The following LAMB1 variants were observed in gnomAD, a reference collection of about 807,000 sequenced individuals.
The protein encoded by LAMB1 is laminin subunit beta-1.
In LAMB1, 121 loss-of-function variants were observed where a neutral mutation model predicts 222.3. The observed-to-expected ratio is 0.54, with a 90% CI of 0.47 to 0.63. The LOEUF (loss-of-function observed/expected upper bound fraction) is 0.63. LAMB1 is among the 30% of genes least tolerant of loss of function. The probability of loss-of-function intolerance (pLI) is 0.00; values close to 1 mark genes in which losing one functional copy is unlikely to be tolerated. For synonymous variants in LAMB1, 794 were observed against 807.2 expected (o/e 0.98, Z 0.28); for missense variants, 2,172 against 2,240.8 (o/e 0.97, Z 0.62).
At chr7:108,002,230 C>A in intron 2 of LAMB1, 2 of 1,335,240 alleles carry the variant, frequency 1.5e-6, no homozygotes, top group South Asian at 1.2e-5. Flanking sequence ...TGTGCGTGCA[C>A]GCGCGAGGGT....
chr7:108,002,113 A>T, intron 2 of LAMB1: 1 of 1,475,858 alleles, frequency 6.8e-7, no homozygotes, highest in Non-Finnish European at 9.0e-7. Context: ...GCTGACCCCC[A>T]AAGGGCCACA....
rs567724132 is a variant in LAMB1 at position 107,967,476 on chromosome 7, C to T, written c.1563-2789G>A. On this transcript the variant is annotated intron_variant, in intron 13 of 33. Coordinates refer to ENST00000222399, the MANE Select transcript of LAMB1 (RefSeq NM_002291.3). ...GTTTCACGAAAACCCACAATTGTTT[C>T]TTATGATATCAAGCCATGATGCCTC... Among the ~76,000 whole-genome samples the T allele has an allele frequency of 2.7e-3, 408 of 152,314 alleles. 2 individuals are homozygous for T. Among genetic ancestry groups the T allele is most frequent in the African/African-American group, 9.1e-3 (379 of 41,572 alleles).
chr7:107,955,740 A>C, intron 20 of LAMB1, 110 bp from the exon 21 acceptor site: 1 of 966,044 alleles, frequency 1.0e-6, no homozygotes, highest in Non-Finnish European at 1.4e-6. Flanking sequence ...TCCACTCCTC[A>C]TGTTTTCTTT....
intron 24 of LAMB1, among the ~76,000 whole-genome samples, chr7:107,949,338 A>G (rs2033192444): frequency 6.6e-6 from 1 of 152,246 alleles, no homozygotes; most frequent in African/African-American, 2.4e-5. Context: ...GCTAAGATGG[A>G]GCCAAAGGTC....
chr7:108,002,180 G>A (rs2034402611), intron 2 of LAMB1: 1 of 1,405,508 alleles, frequency 7.1e-7, no homozygotes, highest in African/African-American at 1.4e-5. Context: ...CGGTGTGAGT[G>A]TGCGCGTGGA....
rs776166369 is a variant in LAMB1, at chr7:107,960,630, C to T, written c.2129G>A (p.Cys710Tyr). 6.2e-7 allele frequency: 1 copy of T among 1,614,242 alleles called. No homozygotes were observed. The highest frequency in any genetic ancestry group is 8.5e-7 in the Non-Finnish European group (1 of 1,180,026). ...CACGGTGAAGATGTCCAGTGATTTA[C>T]AGTATGGCATGAGAACAAGCTGTGA... ...LIDSLVLMPY[C>Y]KSLDIFTVGG... is the part of the protein sequence containing the mutation. The change falls in exon 18 of 34, where the codon TGT becomes TAT. Residue 710 changes from cysteine to tyrosine, a missense_variant. Cys to Tyr is a radical substitution (Grantham distance 194). Transcript: ENST00000222399.
intron 12 of LAMB1, 143 bp from the exon 13 acceptor site, chr7:107,973,214 G>C (rs1213796569): frequency 2.8e-6 from 2 of 718,106 alleles, no homozygotes; most frequent in African/African-American, 3.5e-5. Context: ...CAAAAGGAAG[G>C]AGTATTCTGA....
intron 5 of LAMB1, among the ~76,000 whole-genome samples, chr7:107,987,675 A>AT (rs1478668934): frequency 6.6e-6 from 1 of 152,006 alleles, no homozygotes; most frequent in African/African-American, 2.4e-5. Context: ...TAATTTTTCT[A>AT]TTTTTTAGTA....
rs143261373 is a variant in LAMB1 at position 107,931,469 on chromosome 7, G to A, written c.4424C>T (p.Ala1475Val). 4.3e-6 allele frequency: 7 copies of A among 1,613,260 alleles called. No individual in the cohort carries two copies. The African/African-American group carries it at 9.4e-5, about 22-fold the overall frequency. Residue 1475 changes from alanine (A) to valine (V), a missense_variant, in exon 29 of 34, where the codon GCA becomes GTA. By Grantham distance (64) the Ala-to-Val change is moderately conservative. Transcript: ENST00000222399. The part of the protein sequence containing the change: ...VSEAKLRADE[A>V]KQSAEDILLK... ...CAGAATGTCTTCAGCACTTTGTTTT[G>A]CCTCATCTGCCCTCAGTTTTGCTTC...
intron 22 of LAMB1, among the ~76,000 whole-genome samples, chr7:107,952,998 T>C (rs192707949): frequency 8.2e-4 from 125 of 152,256 alleles, no homozygotes; most frequent in Non-Finnish European, 1.5e-3. Flanking sequence ...TTTCCTGTTA[T>C]CTCTCCCAGG....
chr7:107,935,343 CTT>C, intron 27 of LAMB1, 70 bp downstream of exon 27: 1 of 1,371,578 alleles, frequency 7.3e-7, no homozygotes, highest in African/African-American at 2.4e-5. Context: ...GTTTGTTTTT[CTT>C]TGTTTTTTTT....
At chr7:107,931,113 A>G (rs1001075154) in intron 29 of LAMB1, among the ~76,000 whole-genome samples, 6 of 152,196 alleles carry the variant, frequency 3.9e-5, no homozygotes, top group Non-Finnish European at 8.8e-5. Flanking sequence ...TTTTCAATGT[A>G]AATATTTGAC....
At chr7:107,997,416 C>G (rs1257916072) in intron 4 of LAMB1, among the ~76,000 whole-genome samples, 3 of 152,058 alleles carry the variant, frequency 2.0e-5, no homozygotes, top group African/African-American at 7.2e-5. Context: ...GAGGGAGACT[C>G]TGCCTCAAAA....
At chr7:107,951,983 C>T (rs1419658950) in intron 23 of LAMB1, 26 bp downstream of exon 23, 4 of 1,581,696 alleles carry the variant, frequency 2.5e-6, no homozygotes, top group Non-Finnish European at 3.5e-6. Flanking sequence ...CTCATAAAGG[C>T]ATCATCCCCA....
At chr7:107,961,783 G>C (rs1274022435) in intron 15 of LAMB1, 107 bp from the exon 16 acceptor site, 3 of 1,286,816 alleles carry the variant, frequency 2.3e-6, no homozygotes, top group Non-Finnish European at 3.2e-6. Context: ...AAAACAAACA[G>C]TTGCTCTTCA....
chr7:108,002,309 C>G, intron 2 of LAMB1: 1 of 1,313,144 alleles, frequency 7.6e-7, no homozygotes, highest in Non-Finnish European at 1.0e-6. Flanking sequence ...GCTAGGGGAG[C>G]CCATGGACAG....
At position 107,952,140 on chromosome 7, in the gene LAMB1, A is replaced by G. The variant is rs2033269475; in HGVS notation, c.3163T>C (p.Leu1055=). ...CQCDKATGQC[L]CLPNVIGQNC... ...TGCCCGATCACATTAGGAAGACACA[A>G]GCACTGACCAGTGGCTTTGTCGCAC... is the stretch of plus-strand genomic sequence containing the variant. The change falls in exon 23 of 34, where the codon TTG becomes CTG. Residue 1055 remains leucine, a synonymous_variant. Transcript: ENST00000222399. 1.9e-6 allele frequency: 3 copies of G among 1,614,028 alleles called. No individual in the cohort carries two copies. The East Asian group carries it at 6.7e-5, about 36-fold the overall frequency.
intron 31 of LAMB1, 85 bp downstream of exon 31, chr7:107,928,979 T>A: frequency 4.6e-6 from 6 of 1,294,886 alleles, no homozygotes; most frequent in South Asian, 2.5e-5. Context: ...TTGTAAGAAT[T>A]TCTGTTCATA....
At chr7:107,947,834 C>T (rs2033150195) in intron 24 of LAMB1, among the ~76,000 whole-genome samples, 1 of 152,082 alleles carries the variant, frequency 6.6e-6, no homozygotes, top group Non-Finnish European at 1.5e-5. Flanking sequence ...ATAGCAATGA[C>T]CCCATTATGG....
Sources: allele counts gnomAD v4.1 joint callset (sites outside exome capture counted in the v4.1 genomes callset), GRCh38; gene constraint gnomAD v4.1.1; transcripts MANE v1.5; gene names NCBI Gene and HGNC (gene_info 2026-07-23, HGNC 2026-07-21).